ARFGAP3: variants seen among roughly 807,000 people sequenced by gnomAD.
The protein encoded by ARFGAP3 is ARF GTPase activating protein 3, also known as ADP-ribosylation factor GTPase-activating protein 3.
Under a neutral mutation model 75.0 loss-of-function variants are expected in ARFGAP3, and 72 were observed. The observed-to-expected ratio is 0.96, with a 90% CI of 0.79 to 1.17. The LOEUF (loss-of-function observed/expected upper bound fraction) is 1.17, where lower values mean the gene tolerates loss of function less well. Ranked by LOEUF, ARFGAP3 falls within the 50% of genes most tolerant of loss-of-function variation. ARFGAP3 has a pLI of 0.00. For synonymous variants in ARFGAP3, 221 were observed against 217.9 expected (o/e 1.01, Z -0.13); for missense variants, 620 against 626.6 (o/e 0.99, Z 0.11).
At chr22:42,853,010 C>T (rs1230527249) in intron 1 of ARFGAP3, among the ~76,000 whole-genome samples, 2 of 152,092 alleles carry the variant, frequency 1.3e-5, no homozygotes, top group East Asian at 1.9e-4. Context: ...GTGATCCACC[C>T]GCCTCAGCCT....
chr22:42,834,105 C>T lies in ARFGAP3; in HGVS notation c.477+137G>A, dbSNP rs1447843805. 6 of 787,034 alleles carry T rather than the reference C, an allele frequency of 7.6e-6. No individual in the cohort carries two copies. In the African/African-American group the frequency reaches 8.9e-5, roughly 12 times the overall value. The allele number at this position is 787,034 out of a possible 1,614,324, so 48.8% of individuals were successfully genotyped here. A position where few individuals can be genotyped will look rare whatever the true frequency, so the allele number is the denominator to read the frequency against. On this transcript the variant is annotated intron_variant, in intron 5 of 15. Transcript: ENST00000263245. ...CTAACCTTGGAATTGTTGATAATGT[C>T]ATTTCTCTCTTCAGTAGTTATGTTT...
intron 7 of ARFGAP3, 140 bp downstream of exon 7, chr22:42,826,800 T>A (rs1569153952): frequency 1.7e-6 from 1 of 576,424 alleles, no homozygotes; most frequent in East Asian, 3.0e-5. Context: ...ATCTTTTGTT[T>A]AATAAAATCT....
intron 9 of ARFGAP3, 60 bp downstream of exon 9, chr22:42,822,210 A>C: frequency 6.8e-7 from 1 of 1,465,912 alleles, no homozygotes; most frequent in African/African-American, 1.4e-5. Flanking sequence ...TGGAAAGCAA[A>C]ATCTTGAGTT....
chr22:42,839,633 T>C (rs1430087915), intron 3 of ARFGAP3, among the ~76,000 whole-genome samples: 2 of 151,762 alleles, frequency 1.3e-5, no homozygotes, highest in African/African-American at 4.8e-5. Flanking sequence ...TTTTAATTTG[T>C]AGATTTAAGA....
chr22:42,801,584 C>G (rs376527921), intron 14 of ARFGAP3, among the ~76,000 whole-genome samples: 2 of 152,218 alleles, frequency 1.3e-5, no homozygotes, highest in Non-Finnish European at 2.9e-5. Flanking sequence ...CGGAACACAT[C>G]GCCCCTGCAG....
intron 3 of ARFGAP3, among the ~76,000 whole-genome samples, chr22:42,836,205 G>A (rs1265993668): frequency 1.3e-5 from 2 of 152,004 alleles, no homozygotes; most frequent in Admixed American, 6.6e-5. Flanking sequence ...TTGAACTCCT[G>A]AGCTCAAGGA....
Position 42,810,960 on chromosome 22 carries a change from T to A in ARFGAP3, c.1065-16A>T. 6.2e-7 allele frequency: 1 copy of A among 1,612,476 alleles called. No homozygotes were observed. Among genetic ancestry groups the A allele is most frequent in the Non-Finnish European group, 8.5e-7 (1 of 1,179,302 alleles). On this transcript the variant is annotated splice_polypyrimidine_tract_variant and intron_variant, in intron 11 of 15. Transcript: ENST00000263245. Reference sequence around the variant, plus strand: ...GTCAAAGTAACTGTAGGAGCAAGAGTACAACAGTGACTTTGGAGGTCCTTG... The same window carrying A: ...GTCAAAGTAACTGTAGGAGCAAGAGAACAACAGTGACTTTGGAGGTCCTTG...
At chr22:42,828,681 CTTTT>C (rs11379515) in intron 6 of ARFGAP3, among the ~76,000 whole-genome samples, 1 of 116,222 alleles carries the variant, frequency 8.6e-6, no homozygotes, top group African/African-American at 3.2e-5. Context: ...AGCCCCCGGC[CTTTT>C]TTTTTTTTTT....
chr22:42,817,174 G>A lies in ARFGAP3; in HGVS notation c.1032C>T (p.Asp344=). 5.0e-6 allele frequency: 8 copies of A among 1,613,086 alleles called. No homozygotes were observed. Among genetic ancestry groups the A allele is most frequent in the Non-Finnish European group, 6.8e-6 (8 of 1,179,334 alleles). The change falls in exon 11 of 16, where the codon GAC becomes GAT. Residue 344 remains aspartate, a synonymous_variant. Transcript: ENST00000263245. The part of the protein sequence containing the change: ...MAKPRKKYND[D]SDDSYFTSSS... ...TGGAAGTAAAATATGAATCGTCACTGTCATCATTATACTTTTTTCTTGGTT... is the reference window on the plus strand; with the variant it reads ...TGGAAGTAAAATATGAATCGTCACTATCATCATTATACTTTTTTCTTGGTT...
intron 2 of ARFGAP3, chr22:42,841,270 C>T (rs8136252): frequency 0.4 from 73,817 of 183,730 alleles, 15,599 homozygotes; most frequent in Non-Finnish European, 0.45. Context: ...GCTGCTGGAA[C>T]GACACCAACT....
chr22:42,810,953 G>A lies in ARFGAP3; in HGVS notation c.1065-9C>T. ...CTGGCTCGTCAAAGTAACTGTAGGAGCAAGAGTACAACAGTGACTTTGGAG... is the reference window on the plus strand; with the variant it reads ...CTGGCTCGTCAAAGTAACTGTAGGAACAAGAGTACAACAGTGACTTTGGAG... On this transcript the variant is annotated splice_polypyrimidine_tract_variant and intron_variant, in intron 11 of 15. Transcript: ENST00000263245. 17 of 1,613,676 alleles carry A rather than the reference G, an allele frequency of 1.1e-5. No individual in the cohort carries two copies. The highest frequency in any genetic ancestry group is 1.4e-5 in the Non-Finnish European group (17 of 1,179,716).
intron 6 of ARFGAP3, among the ~76,000 whole-genome samples, chr22:42,829,281 G>GA (rs1168309744): frequency 1.3e-5 from 2 of 152,192 alleles, no homozygotes; most frequent in African/African-American, 2.4e-5. Flanking sequence ...CTATGAGGAA[G>GA]AAAAAATGTA....
At chr22:42,852,359 C>A (rs775294791) in intron 1 of ARFGAP3, among the ~76,000 whole-genome samples, 17 of 151,030 alleles carry the variant, frequency 1.1e-4, no homozygotes, top group Non-Finnish European at 2.1e-4. Context: ...CTAGCCTCAT[C>A]TTGAAATTCT....
rs769312864 is a variant in ARFGAP3, at chr22:42,807,120, G to A, written c.1364C>T (p.Ser455Phe). 5 of 1,613,060 alleles carry A rather than the reference G, an allele frequency of 3.1e-6. No homozygotes were observed. In the South Asian group the frequency reaches 4.4e-5, roughly 14 times the overall value. The part of the protein sequence containing the change: ...ARLERLSASS[S>F]ISSADLFEEP... Reference sequence around the variant, plus strand: ...CTCGAACAGATCAGCCGAGCTTATGGAGGAACTTGCCGACAGCCTCTCTAG... The same window carrying A: ...CTCGAACAGATCAGCCGAGCTTATGAAGGAACTTGCCGACAGCCTCTCTAG... Residue 455 changes from serine (S) to phenylalanine (F), a missense_variant, in exon 14 of 16, where the codon TCC becomes TTC. Coordinates refer to ENST00000263245, the MANE Select transcript of ARFGAP3 (RefSeq NM_014570.5).
chr22:42,836,567 A>C (rs1423335565), intron 3 of ARFGAP3, among the ~76,000 whole-genome samples: 1 of 152,230 alleles, frequency 6.6e-6, no homozygotes, highest in Admixed American at 6.5e-5. Context: ...GTAAGATGAT[A>C]AAACAAGTAT....
At chr22:42,838,290 A>ATTTTTTTTTTTTTTTTTTTTTTTTTTTTT (rs1555899058) in intron 3 of ARFGAP3, among the ~76,000 whole-genome samples, 1 of 137,184 alleles carries the variant, frequency 7.3e-6, no homozygotes, top group African/African-American at 2.7e-5. Flanking sequence ...ATATATATAT[A>ATTTTTTTTTTTTTTTTTTTTTTTTTTTTT]TTTTTTTTTT....
Position 42,806,299 on chromosome 22 carries a change from G to A in ARFGAP3, c.1411+774C>T, listed in dbSNP as rs549244198. 3.3e-5 allele frequency among the ~76,000 whole-genome samples: 5 copies of A among 151,726 alleles called. 1 individual carries two copies. The East Asian group carries it at 5.8e-4, about 18-fold the overall frequency. On this transcript the variant is annotated intron_variant, in intron 14 of 15. Transcript: ENST00000263245. Reference sequence around the variant, plus strand: ...GTGGCCTGGCAGAGGCCTTTGTAGGGTACTCTCACAAGGCATCCCTCAGTC... The same window carrying A: ...GTGGCCTGGCAGAGGCCTTTGTAGGATACTCTCACAAGGCATCCCTCAGTC...
At chr22:42,852,001 A>G (rs1227494283) in intron 1 of ARFGAP3, among the ~76,000 whole-genome samples, 2 of 151,984 alleles carry the variant, frequency 1.3e-5, no homozygotes, top group African/African-American at 4.8e-5. Flanking sequence ...ATGCAGTCGC[A>G]GAGGGCCCCA....
chr22:42,810,870 T>C lies in ARFGAP3; in HGVS notation c.1139A>G (p.Lys380Arg). 1.2e-6 allele frequency: 2 copies of C among 1,614,234 alleles called. No individual in the cohort carries two copies. The highest frequency in any genetic ancestry group is 2.2e-5 in the South Asian group (2 of 91,086). Residue 380 changes from lysine (K) to arginine (R), a missense_variant, in exon 12 of 16, where the codon AAA (lysine) becomes AGA (arginine). Physicochemically the swap from Lys to Arg is conservative, Grantham distance 26. Transcript: ENST00000263245. Reference sequence around the variant, plus strand: ...TTCAGTATCTTTGCTGGTCTCTTTTTTCCAATAGGAATCTGAACTGTCATC... The same window carrying C: ...TTCAGTATCTTTGCTGGTCTCTTTTCTCCAATAGGAATCTGAACTGTCATC... ...SWDDSSDSYWKKETSKDTETV... is the reference protein window; with the variant it reads ...SWDDSSDSYWRKETSKDTETV...
Sources: allele counts gnomAD v4.1 joint callset (sites outside exome capture counted in the v4.1 genomes callset), GRCh38; gene constraint gnomAD v4.1.1; transcripts MANE v1.5; gene names NCBI Gene and HGNC (gene_info 2026-07-23, HGNC 2026-07-21).